The following GRID1 variants were observed in gnomAD, a reference collection of about 807,000 sequenced individuals.
GRID1 encodes the protein glutamate receptor ionotropic, delta-1.
Under a neutral mutation model 98.0 loss-of-function variants are expected in GRID1, and 28 were observed. The ratio of observed to expected loss-of-function variants is 0.29; its 90% CI spans 0.21 to 0.39. GRID1 has a LOEUF of 0.39. Among genes scored for constraint, GRID1 ranks in the 10% least tolerant of loss-of-function variants. The pLI, the probability that GRID1 is intolerant of heterozygous loss-of-function variation, is 1.00. For synonymous variants in GRID1, 553 were observed against 538.5 expected (o/e 1.03, Z -0.37); for missense variants, 1,111 against 1,340.5 (o/e 0.83, Z 2.67).
intron 4 of GRID1, among the ~76,000 whole-genome samples, chr10:86,134,600 C>T (rs765021208): frequency 2.0e-5 from 3 of 152,164 alleles, no homozygotes; most frequent in Non-Finnish European, 4.4e-5. Flanking sequence ...CTAGGGAGCC[C>T]TCCCTGCTGA....
chr10:86,300,503 GGGGAGGGGAAGGGAGGGGAA>G (rs1488188518), intron 2 of GRID1, among the ~76,000 whole-genome samples: 1 of 39,978 alleles, frequency 2.5e-5, no homozygotes, highest in Non-Finnish European at 6.9e-5. Context: ...AGGAAAGACA[GGGGAGGGGAAGGGAGGGGAA>G]GGGAGGGGAG....
At chr10:86,238,742 G>A (rs1176338609) in intron 2 of GRID1, among the ~76,000 whole-genome samples, 1 of 151,180 alleles carries the variant, frequency 6.6e-6, no homozygotes, top group Non-Finnish European at 1.5e-5. Context: ...CAAGCCATAA[G>A]CCTTGCTGGC....
intron 8 of GRID1, among the ~76,000 whole-genome samples, chr10:85,805,821 A>G (rs1478176485): frequency 6.6e-6 from 1 of 151,990 alleles, no homozygotes; most frequent in Non-Finnish European, 1.5e-5. Context: ...CACATACAAA[A>G]CAATAATTCA....
chr10:85,843,416 T>C (rs1375689827), intron 8 of GRID1, among the ~76,000 whole-genome samples: 1 of 151,942 alleles, frequency 6.6e-6, no homozygotes, highest in Non-Finnish European at 1.5e-5. Flanking sequence ...TCATGATATA[T>C]AAAAGGAAAA....
chr10:85,809,899 A>G (rs1842655510), intron 8 of GRID1, among the ~76,000 whole-genome samples: 1 of 152,188 alleles, frequency 6.6e-6, no homozygotes, highest in Admixed American at 6.5e-5. Flanking sequence ...TTACTACAGA[A>G]GAATCCCACA....
At chr10:85,861,406 G>A (rs1296022743) in intron 6 of GRID1, among the ~76,000 whole-genome samples, 7 of 152,358 alleles carry the variant, frequency 4.6e-5, no homozygotes, top group Admixed American at 2.0e-4. Flanking sequence ...CAGGGTCTGA[G>A]CCACACCTTT....
At chr10:85,805,887 C>A (rs1456984677) in intron 8 of GRID1, among the ~76,000 whole-genome samples, 4 of 149,942 alleles carry the variant, frequency 2.7e-5, no homozygotes, top group Non-Finnish European at 3.0e-5. Context: ...TAGACAAAAA[C>A]ATAGGGAAAA....
chr10:86,001,926 G>A (rs1842806694), intron 4 of GRID1, among the ~76,000 whole-genome samples: 1 of 152,166 alleles, frequency 6.6e-6, no homozygotes, highest in Non-Finnish European at 1.5e-5. Context: ...GCCTCTTCCA[G>A]CTTCTAGTAG....
At chr10:86,227,118 G>A (rs996814753) in intron 2 of GRID1, among the ~76,000 whole-genome samples, 5 of 152,246 alleles carry the variant, frequency 3.3e-5, no homozygotes, top group Admixed American at 3.3e-4. Context: ...CCTGGGTGAA[G>A]CCACCTGCTC....
chr10:85,764,152 G>A (rs1842175076), intron 8 of GRID1, among the ~76,000 whole-genome samples: 1 of 152,152 alleles, frequency 6.6e-6, no homozygotes, highest in South Asian at 2.1e-4. Flanking sequence ...GACAGGAGGT[G>A]ACCAAAATGC....
chr10:85,735,981 G>A (rs1263198843), intron 8 of GRID1, among the ~76,000 whole-genome samples: 2 of 126,168 alleles, frequency 1.6e-5, no homozygotes, highest in East Asian at 5.7e-4. Flanking sequence ...GAGAGAGGGA[G>A]AAAGGGAGGG....
intron 4 of GRID1, among the ~76,000 whole-genome samples, chr10:86,081,130 CATT>C (rs529074206): frequency 6.6e-6 from 1 of 152,046 alleles, no homozygotes; most frequent in Non-Finnish European, 1.5e-5. Flanking sequence ...GTAACTATCT[CATT>C]ATTATTATTA....
intron 2 of GRID1, among the ~76,000 whole-genome samples, chr10:86,284,002 A>G (rs971982291): frequency 1.3e-5 from 2 of 149,730 alleles, no homozygotes; most frequent in African/African-American, 5.0e-5. Flanking sequence ...GCCCATACAC[A>G]CCTGCCCTCA....
At chr10:86,332,591 C>A (rs370025974) in intron 2 of GRID1, among the ~76,000 whole-genome samples, 1 of 152,090 alleles carries the variant, frequency 6.6e-6, no homozygotes, top group African/African-American at 2.4e-5. Flanking sequence ...AACTCAGCTC[C>A]CTGGAATTGA....
At chr10:85,649,434 G>A (rs755928700) in intron 12 of GRID1, among the ~76,000 whole-genome samples, 10 of 151,982 alleles carry the variant, frequency 6.6e-5, no homozygotes, top group Middle Eastern at 6.9e-3. Context: ...TGCCTGAAGG[G>A]CCCCAAGGGT....
At chr10:86,329,161 C>A (rs12266820) in intron 2 of GRID1, among the ~76,000 whole-genome samples, 1 of 152,114 alleles carries the variant, frequency 6.6e-6, no homozygotes, top group Non-Finnish European at 1.5e-5. Flanking sequence ...GCATCCCTCC[C>A]GAGCCCTCTA....
At chr10:85,733,649 TG>T (rs1225024973) in intron 8 of GRID1, among the ~76,000 whole-genome samples, 1 of 152,172 alleles carries the variant, frequency 6.6e-6, no homozygotes. Flanking sequence ...TTCTTATCTA[TG>T]AAATGGGAAA....
At chr10:86,113,879 G>A (rs1275895118) in intron 4 of GRID1, among the ~76,000 whole-genome samples, 1 of 152,222 alleles carries the variant, frequency 6.6e-6, no homozygotes, top group African/African-American at 2.4e-5. Context: ...GAAGCCACAG[G>A]ACAGCTTTTG....
At chr10:86,109,645 T>C (rs1844446872) in intron 4 of GRID1, among the ~76,000 whole-genome samples, 1 of 152,226 alleles carries the variant, frequency 6.6e-6, no homozygotes, top group Admixed American at 6.5e-5. Flanking sequence ...CTCTATGTCA[T>C]CAGATCATCT....
Sources: allele counts gnomAD v4.1 joint callset (sites outside exome capture counted in the v4.1 genomes callset), GRCh38; gene constraint gnomAD v4.1.1; transcripts MANE v1.5; gene names NCBI Gene and HGNC (gene_info 2026-07-23, HGNC 2026-07-21).